TNR: variants seen among roughly 807,000 people sequenced by gnomAD.
The protein encoded by TNR is tenascin R.
In TNR, 45 loss-of-function variants were observed where a neutral mutation model predicts 150.4. The observed-to-expected ratio is 0.30, with a 90% CI of 0.24 to 0.38. TNR has a LOEUF of 0.38. TNR is among the 10% of genes least tolerant of loss of function. The pLI is 1.00. For synonymous variants in TNR, 687 were observed against 678.4 expected (o/e 1.01, Z -0.20); for missense variants, 1,544 against 1,759.1 (o/e 0.88, Z 2.19).
intron 2 of TNR, among the ~76,000 whole-genome samples, chr1:175,461,267 G>A (rs1412842910): frequency 2.0e-5 from 3 of 152,166 alleles, no homozygotes; most frequent in Non-Finnish European, 4.4e-5. Flanking sequence ...GCTGGTGGCT[G>A]CAATTTACTG....
intron 2 of TNR, among the ~76,000 whole-genome samples, chr1:175,451,214 TTTAATGTTTTTA>T (rs1230333174): frequency 7.1e-6 from 1 of 141,528 alleles, no homozygotes; most frequent in Non-Finnish European, 1.6e-5. Context: ...GTTTTTTTTT[TTTAATGTTTTTA>T]TTTTTTTATT....
intron 1 of TNR, among the ~76,000 whole-genome samples, chr1:175,577,739 G>A (rs1029758937): frequency 2.0e-5 from 3 of 152,160 alleles, no homozygotes; most frequent in African/African-American, 7.2e-5. Context: ...CTACCCATTG[G>A]CCTTTCCTGC....
intron 1 of TNR, among the ~76,000 whole-genome samples, chr1:175,598,582 T>C (rs1663103080): frequency 6.6e-6 from 1 of 152,236 alleles, no homozygotes; most frequent in African/African-American, 2.4e-5. Context: ...ACAGAAGGCA[T>C]GCGTGAAATG....
At chr1:175,361,063 AT>A (rs953033125) in intron 14 of TNR, among the ~76,000 whole-genome samples, 2 of 151,674 alleles carry the variant, frequency 1.3e-5, no homozygotes, top group Admixed American at 6.6e-5. Flanking sequence ...TGACCCAAGG[AT>A]TTTTTTTTCT....
rs145227551 is a variant in TNR, at chr1:175,367,256, C to T, written c.2005G>A (p.Val669Ile). 3.2e-4 allele frequency: 514 copies of T among 1,614,108 alleles called. 2 individuals are homozygous for T. In the African/African-American group the frequency reaches 3.5e-3, roughly 11 times the overall value. ...GTEYGVGISAVMNSQQSVPAT... is the reference protein window; with the variant it reads ...GTEYGVGISAIMNSQQSVPAT... ...GGCACGCTTTGCTGTGAGTTCATGA[C>T]GGCAGATATTCCAACTCCATACTCA... The change falls in exon 10 of 23, where the codon GTC (valine) becomes ATC (isoleucine). Residue 669 changes from valine (V) to isoleucine (I), a missense_variant. Physicochemically the swap from Val to Ile is conservative, Grantham distance 29. This residue lies in a region of TNR where 1,254 missense variants were observed against 1,329.4 expected (regional missense o/e 0.94). Transcript: ENST00000367674.
intron 1 of TNR, among the ~76,000 whole-genome samples, chr1:175,629,239 T>C (rs1038700244): frequency 6.6e-6 from 1 of 152,124 alleles, no homozygotes; most frequent in East Asian, 1.9e-4. Context: ...GTTTCTATCA[T>C]AGGACCCCAG....
At chr1:175,738,392 A>G (rs1254627780) in intron 1 of TNR, among the ~76,000 whole-genome samples, 1 of 152,228 alleles carries the variant, frequency 6.6e-6, no homozygotes, top group East Asian at 1.9e-4. Flanking sequence ...CCTTGAGGAC[A>G]TTATGCTAAA....
chr1:175,360,822 C>T lies in TNR; in HGVS notation c.2855-1091G>A, dbSNP rs76730239. ...TCTATCTGAGACATGCATGATACCA[C>T]GAGACAAACATGACACCCTGAAGGA... On this transcript the variant is annotated intron_variant, in intron 14 of 22. Transcript: ENST00000367674. Among the ~76,000 whole-genome samples, 665 of 152,262 alleles carry T rather than the reference C, an allele frequency of 4.4e-3. 4 individuals carry two copies. The highest frequency in any genetic ancestry group is 0.015 in the African/African-American group (641 of 41,548).
intron 1 of TNR, among the ~76,000 whole-genome samples, chr1:175,649,696 C>T (rs1341249011): frequency 6.6e-6 from 1 of 152,186 alleles, no homozygotes; most frequent in Non-Finnish European, 1.5e-5. Flanking sequence ...TCACACTCCC[C>T]TGAAGCTGCT....
intron 9 of TNR, among the ~76,000 whole-genome samples, chr1:175,378,699 G>A (rs1414734870): frequency 1.3e-5 from 2 of 152,208 alleles, no homozygotes; most frequent in African/African-American, 4.8e-5. Context: ...ATGGAAAGAA[G>A]CAGACTTGTG....
intron 5 of TNR, 22 bp downstream of exon 5, chr1:175,396,522 A>G: frequency 1.2e-6 from 2 of 1,601,642 alleles, no homozygotes; most frequent in Middle Eastern, 3.3e-4. Context: ...AAAATGAAGC[A>G]GGACGGGGAA....
intron 18 of TNR, among the ~76,000 whole-genome samples, chr1:175,343,888 C>A (rs1650644904): frequency 1.3e-5 from 2 of 152,178 alleles, no homozygotes. Context: ...CACCTTCAAC[C>A]CATGGTGTTA....
chr1:175,431,935 C>CTCTCTCTCTCTCTCTCTCTCTT (rs1309974175), intron 2 of TNR, among the ~76,000 whole-genome samples: 7 of 151,776 alleles, frequency 4.6e-5, no homozygotes, highest in Non-Finnish European at 8.8e-5. Context: ...CTCTCTCTCT[C>CTCTCTCTCTCTCTCTCTCTCTT]CCTCTGTCTC....
intron 1 of TNR, among the ~76,000 whole-genome samples, chr1:175,537,799 C>T (rs1660352696): frequency 6.6e-6 from 1 of 152,174 alleles, no homozygotes; most frequent in African/African-American, 2.4e-5. Flanking sequence ...GTCCCTCTCC[C>T]TCGTCAGGGG....
intron 2 of TNR, among the ~76,000 whole-genome samples, chr1:175,435,557 G>A (rs1655467341): frequency 6.6e-6 from 1 of 152,224 alleles, no homozygotes; most frequent in African/African-American, 2.4e-5. Flanking sequence ...GAATTCAAGG[G>A]AGAAGTTGGG....
At chr1:175,566,538 C>G (rs550476271) in intron 1 of TNR, among the ~76,000 whole-genome samples, 62 of 152,372 alleles carry the variant, frequency 4.1e-4, no homozygotes, top group Non-Finnish European at 7.9e-4. Context: ...CACATGCTGC[C>G]TGCTGCAGAT....
chr1:175,504,199 G>C (rs912468879), intron 2 of TNR, among the ~76,000 whole-genome samples: 1 of 152,092 alleles, frequency 6.6e-6, no homozygotes, highest in Admixed American at 6.5e-5. Context: ...TCATATTACC[G>C]TGATTCCAGC....
At chr1:175,644,171 C>A (rs1008721285) in intron 1 of TNR, among the ~76,000 whole-genome samples, 3 of 152,028 alleles carry the variant, frequency 2.0e-5, no homozygotes, top group Non-Finnish European at 4.4e-5. Flanking sequence ...TTTATGTTAC[C>A]CCACAGGGTC....
chr1:175,442,343 T>A lies in TNR; in HGVS notation c.-63-35566A>T, dbSNP rs116280519. 6.4e-3 allele frequency among the ~76,000 whole-genome samples: 974 copies of A among 152,186 alleles called. 8 individuals carry two copies. The highest frequency in any genetic ancestry group is 0.022 in the African/African-American group (915 of 41,534). On this transcript the variant is annotated intron_variant, in intron 2 of 22. Transcript: ENST00000367674. ...GTTTGGCTCTGGATCACAAAAGTGG[T>A]AGGGGGCTTAAGTAGGAGCAAGATG...
Sources: gnomAD v4.1 joint callset for allele counts (sites outside exome capture counted in the v4.1 genomes callset) on GRCh38, gnomAD v4.1.1 for gene constraint, gnomAD v4.1.1 regional missense constraint, MANE v1.5 for transcripts, NCBI Gene and HGNC (gene_info 2026-07-23, HGNC 2026-07-21) for gene names.